Variants in CPVL observed in about 807,000 individuals in gnomAD.
CPVL encodes the protein carboxypeptidase vitellogenic like.
A neutral mutation model predicts 63.7 loss-of-function variants in CPVL; 51 were observed. The ratio of observed to expected loss-of-function variants is 0.80; its 90% CI spans 0.64 to 1.01. The LOEUF is 1.01. CPVL is among the 50% of genes least tolerant of loss of function. The pLI is 0.00. For synonymous variants in CPVL, 195 were observed against 206.0 expected (o/e 0.95, Z 0.46); for missense variants, 530 against 573.1 (o/e 0.92, Z 0.77).
chr7:29,178,525 T>C (rs769086327), intron 5 of CPVL, among the ~76,000 whole-genome samples: 2 of 152,192 alleles, frequency 1.3e-5, no homozygotes, highest in Non-Finnish European at 2.9e-5. Context: ...TGCTGAAATG[T>C]CACATCCTCC....
At chr7:29,140,853 T>A (rs1021311093) in intron 1 of CPVL, among the ~76,000 whole-genome samples, 5 of 152,182 alleles carry the variant, frequency 3.3e-5, no homozygotes, top group African/African-American at 7.2e-5. Flanking sequence ...AACAAATGCA[T>A]AAGTGAAAAT....
intron 9 of CPVL, among the ~76,000 whole-genome samples, chr7:29,068,605 T>C (rs1783374280): frequency 6.6e-6 from 1 of 151,726 alleles, no homozygotes. Flanking sequence ...CCACCTCTTA[T>C]CCTCACACAA....
chr7:29,131,167 T>A (rs577978560), intron 1 of CPVL, among the ~76,000 whole-genome samples: 130 of 151,872 alleles, frequency 8.6e-4, no homozygotes, highest in Admixed American at 1.6e-3. Flanking sequence ...TGAGACTCCG[T>A]CTCAAAAAAT....
In CPVL at chr7:28,995,580, T is replaced by C. The variant is rs142811172; in HGVS notation, c.*192A>G. ...TTAAATAATGTAATTCTTACTCATG[T>C]ACTCATGTTAATTTTGTAGTAAACA... On this transcript the variant is annotated 3_prime_UTR_variant, in exon 13 of 13. Coordinates refer to ENST00000265394, the MANE Select transcript of CPVL (RefSeq NM_031311.5). The C allele has an allele frequency of 7.1e-4, 399 of 565,272 alleles. No individual in the cohort carries two copies. In the African/African-American group the frequency reaches 7.1e-3, roughly 10 times the overall value. The allele number at this position is 565,272 out of a possible 1,614,324, so 35.0% of individuals were successfully genotyped here.
At chr7:29,179,301 A>T (rs967724352) in intron 5 of CPVL, among the ~76,000 whole-genome samples, 1 of 152,212 alleles carries the variant, frequency 6.6e-6, no homozygotes, top group African/African-American at 2.4e-5. Flanking sequence ...ACGCCAAGTC[A>T]TGAGGAAGAG....
At chr7:28,997,726 A>G (rs1196280446) in intron 12 of CPVL, among the ~76,000 whole-genome samples, 1 of 146,378 alleles carries the variant, frequency 6.8e-6, no homozygotes, top group Non-Finnish European at 1.5e-5. Context: ...ATCATTCCTT[A>G]TCTTTGAACT....
chr7:29,064,194 A>G lies in CPVL; in HGVS notation c.1004T>C (p.Leu335Pro). The change falls in exon 11 of 13, where the codon CTC becomes CCC. Residue 335 changes from leucine to proline, a missense_variant. Physicochemically the swap from Leu to Pro is moderately conservative, Grantham distance 98 (BLOSUM62 -3). Transcript: ENST00000265394. ...DQLYYVKFLSLPEVRQAIHVG... is the reference protein window; with the variant it reads ...DQLYYVKFLSPPEVRQAIHVG... ...GTGGATGGCTTGTCTCACCTCTGGG[A>G]GTGACAAAAATTTCACATAGTAAAG... The G allele has an allele frequency of 3.1e-6, 5 of 1,613,270 alleles. No homozygotes were observed. The highest frequency in any genetic ancestry group is 4.2e-6 in the Non-Finnish European group (5 of 1,179,290).
intron 12 of CPVL, among the ~76,000 whole-genome samples, chr7:29,026,641 C>G (rs972587078): frequency 6.6e-6 from 1 of 151,878 alleles, no homozygotes; most frequent in African/African-American, 2.4e-5. Flanking sequence ...TAAATAAAAT[C>G]AGAAATGGAA....
chr7:29,107,459 C>T (rs1787833343), intron 3 of CPVL, among the ~76,000 whole-genome samples: 1 of 152,206 alleles, frequency 6.6e-6, no homozygotes, highest in Admixed American at 6.5e-5. Flanking sequence ...CTAGGTTTAA[C>T]ATCTTTATTT....
intron 11 of CPVL, among the ~76,000 whole-genome samples, chr7:29,062,497 T>C (rs1415731488): frequency 6.6e-6 from 1 of 152,220 alleles, no homozygotes; most frequent in Non-Finnish European, 1.5e-5. Flanking sequence ...AGGTTTATAA[T>C]GGGTTTGTAG....
intron 6 of CPVL, among the ~76,000 whole-genome samples, chr7:29,090,284 C>T (rs1199556052): frequency 6.6e-6 from 1 of 152,198 alleles, no homozygotes; most frequent in Non-Finnish European, 1.5e-5. Flanking sequence ...CAGTGCTGCT[C>T]TGTTGGAACC....
upstream of CPVL, chr7:29,147,164 G>A: frequency 1.5e-6 from 1 of 686,302 alleles, no homozygotes; most frequent in Non-Finnish European, 2.4e-6. Context: ...ACCAGGTGCT[G>A]GGCATCGAGC....
chr7:29,093,631 T>A (rs1786085991), intron 5 of CPVL, among the ~76,000 whole-genome samples: 1 of 152,222 alleles, frequency 6.6e-6, no homozygotes. Context: ...CAAAAGAAAC[T>A]GAACTGCAAA....
Position 29,096,223 on chromosome 7 carries a change from G to C in CPVL, c.289-6C>G. Reference sequence around the variant, plus strand: ...GGGGCATCTTCTGGCTGTATCTAGAGGAAACAGTAAAACCAGTGACCACAC... The same window carrying C: ...GGGGCATCTTCTGGCTGTATCTAGACGAAACAGTAAAACCAGTGACCACAC... On this transcript the variant is annotated splice_region_variant and splice_polypyrimidine_tract_variant and intron_variant, in intron 3 of 12. Coordinates refer to ENST00000265394, the MANE Select transcript of CPVL (RefSeq NM_031311.5). The C allele has an allele frequency of 3.7e-6, 6 of 1,607,944 alleles. No homozygotes were observed. The highest frequency in any genetic ancestry group is 4.3e-6 in the Non-Finnish European group (5 of 1,174,446).
upstream of CPVL, among the ~76,000 whole-genome samples, chr7:29,148,105 A>C (rs1218218955): frequency 6.6e-6 from 1 of 152,214 alleles, no homozygotes; most frequent in Non-Finnish European, 1.5e-5. Context: ...CGCCCATGGG[A>C]GTACAGACAT....
chr7:29,112,138 G>A (rs1168294970), intron 3 of CPVL, among the ~76,000 whole-genome samples: 1 of 152,170 alleles, frequency 6.6e-6, no homozygotes, highest in African/African-American at 2.4e-5. Context: ...TCCTAGATCG[G>A]CAATCCTCCC....
intron 11 of CPVL, among the ~76,000 whole-genome samples, chr7:29,036,657 T>A (rs1192879373): frequency 2.0e-5 from 3 of 152,228 alleles, no homozygotes; most frequent in African/African-American, 7.2e-5. Context: ...ATTCATGTAT[T>A]ACTCTTTTAA....
chr7:29,139,986 G>T (rs935863686), intron 1 of CPVL, among the ~76,000 whole-genome samples: 3 of 152,012 alleles, frequency 2.0e-5, no homozygotes, highest in Non-Finnish European at 4.4e-5. Context: ...TATTTCCCAC[G>T]GTCTGCACAT....
In CPVL at chr7:29,003,191, G is replaced by C. The variant is rs200512784; in HGVS notation, c.1321-7309C>G. 9.6e-5 allele frequency among the ~76,000 whole-genome samples: 8 copies of C among 83,650 alleles called. No homozygotes were observed. In the South Asian group the frequency reaches 1.2e-3, roughly 13 times the overall value. The allele number at this position is 83,650 out of a possible 152,430, so 54.9% of individuals were successfully genotyped here. On this transcript the variant is annotated intron_variant, in intron 12 of 12. Coordinates refer to ENST00000265394, the MANE Select transcript of CPVL (RefSeq NM_031311.5). ...ACACACACACACACACACACACAGA[G>C]AGAATAGCATTTTGCTAAAAGCAAA...
Sources: allele counts gnomAD v4.1 joint callset (sites outside exome capture counted in the v4.1 genomes callset), GRCh38; gene constraint gnomAD v4.1.1; transcripts MANE v1.5; gene names NCBI Gene and HGNC (gene_info 2026-07-23, HGNC 2026-07-21).